Variants in DEPTOR observed in about 807,000 individuals in gnomAD.
DEPTOR encodes DEP domain containing MTOR interacting protein.
DEPTOR carries 41 observed loss-of-function variants against 41.6 expected under a neutral mutation model. The observed-to-expected ratio is 0.98, with a 90% CI of 0.77 to 1.28. The LOEUF is 1.28. Ranked by LOEUF, DEPTOR falls within the 50% of genes most tolerant of loss-of-function variation. DEPTOR has a pLI of 0.00. For synonymous variants in DEPTOR, 195 were observed against 192.3 expected (o/e 1.01, Z -0.12); for missense variants, 514 against 527.9 (o/e 0.97, Z 0.26).
At chr8:120,036,745 C>T (rs552024246) in intron 8 of DEPTOR, among the ~76,000 whole-genome samples, 155 of 152,290 alleles carry the variant, frequency 1.0e-3, no homozygotes, top group Non-Finnish European at 1.6e-3. Flanking sequence ...ACTCAGTTTA[C>T]ATCTCTGTCT....
At position 119,968,142 on chromosome 8, in the gene DEPTOR, T is replaced by TA. The variant is rs376925360; in HGVS notation, c.604+2733dup. The stretch of plus-strand genomic sequence containing the variant: ...ACTATGAGATGGTTATAGAAGCAAT[T>TA]AGAGAACAGTAGAAGATGTGCTATC... On this transcript the variant is annotated intron_variant, in intron 4 of 8. Coordinates refer to ENST00000286234, the MANE Select transcript of DEPTOR (RefSeq NM_022783.4). Among the ~76,000 whole-genome samples the TA allele has an allele frequency of 2.0e-3, 306 of 152,308 alleles. 2 individuals are homozygous for TA. Among genetic ancestry groups the TA allele is most frequent in the African/African-American group, 6.7e-3 (280 of 41,556 alleles).
intron 6 of DEPTOR, among the ~76,000 whole-genome samples, 200 bp from the exon 7 acceptor site, chr8:120,006,605 G>A (rs1200433753): frequency 1.3e-5 from 2 of 150,670 alleles, no homozygotes; most frequent in South Asian, 2.1e-4. Context: ...TTTTTCCTTA[G>A]CTTTGTAAGG....
chr8:120,021,395 T>C (rs1812712082), intron 8 of DEPTOR, among the ~76,000 whole-genome samples: 1 of 152,006 alleles, frequency 6.6e-6, no homozygotes, highest in African/African-American at 2.4e-5. Flanking sequence ...AAGAGTGAAA[T>C]TTCGTCTCAA....
intron 3 of DEPTOR, among the ~76,000 whole-genome samples, chr8:119,931,414 C>T (rs1170138982): frequency 6.6e-6 from 1 of 152,104 alleles, no homozygotes; most frequent in East Asian, 1.9e-4. Context: ...AGCAATAGAA[C>T]CTACCTCCTA....
At chr8:120,043,093 T>A (rs994934477) in intron 8 of DEPTOR, among the ~76,000 whole-genome samples, 1 of 150,528 alleles carries the variant, frequency 6.6e-6, no homozygotes, top group Non-Finnish European at 1.5e-5. Flanking sequence ...TTTTTTAAAA[T>A]TTTTTATTTA....
intron 3 of DEPTOR, among the ~76,000 whole-genome samples, chr8:119,944,180 A>G (rs1828239759): frequency 6.6e-6 from 1 of 152,074 alleles, no homozygotes; most frequent in Non-Finnish European, 1.5e-5. Flanking sequence ...TAGCCTTGTT[A>G]TTTCTGGCTG....
chr8:120,006,318 G>C (rs530108576), intron 6 of DEPTOR, among the ~76,000 whole-genome samples: 1 of 152,222 alleles, frequency 6.6e-6, no homozygotes, highest in African/African-American at 2.4e-5. Flanking sequence ...GAGGTCACGA[G>C]TTCAAGACCA....
rs367711614 is a variant in DEPTOR, at chr8:119,912,590, G to T, written c.123-15810G>T. 2.0e-5 allele frequency among the ~76,000 whole-genome samples: 3 copies of T among 152,348 alleles called. No homozygotes were observed. In the East Asian group the frequency reaches 5.8e-4, roughly 29 times the overall value. On this transcript the variant is annotated intron_variant, in intron 1 of 8. Coordinates refer to ENST00000286234, the MANE Select transcript of DEPTOR (RefSeq NM_022783.4). ...CCTTGTCTATTCTCAAGTTATAGACGTGCAACACTCAAAGCCTGTGGCACT... is the reference window on the plus strand; with the variant it reads ...CCTTGTCTATTCTCAAGTTATAGACTTGCAACACTCAAAGCCTGTGGCACT...
intron 3 of DEPTOR, among the ~76,000 whole-genome samples, chr8:119,944,610 G>A (rs902174739): frequency 8.6e-5 from 13 of 150,506 alleles, no homozygotes; most frequent in Admixed American, 1.3e-4. Context: ...ATAAATGTTC[G>A]TTGAAGACAT....
chr8:120,042,590 C>G (rs1251274570), intron 8 of DEPTOR, among the ~76,000 whole-genome samples: 1 of 152,186 alleles, frequency 6.6e-6, no homozygotes, highest in Admixed American at 6.6e-5. Context: ...ACTATCTCGG[C>G]TCATTGCAAC....
chr8:119,965,522 C>A, intron 4 of DEPTOR, 112 bp downstream of exon 4: 1 of 1,332,206 alleles, frequency 7.5e-7, no homozygotes, highest in East Asian at 2.4e-5. Flanking sequence ...TCAGCTGCAC[C>A]TCTGCTTATG....
At chr8:120,039,949 T>C (rs1441342609) in intron 8 of DEPTOR, among the ~76,000 whole-genome samples, 1 of 152,156 alleles carries the variant, frequency 6.6e-6, no homozygotes, top group Non-Finnish European at 1.5e-5. Flanking sequence ...GTTCAAGCAA[T>C]TCTCGTGCCT....
intron 3 of DEPTOR, among the ~76,000 whole-genome samples, chr8:119,935,047 A>G (rs1828091235): frequency 6.6e-6 from 1 of 152,002 alleles, no homozygotes; most frequent in African/African-American, 2.4e-5. Flanking sequence ...TGTCATTTTG[A>G]GGAATTCATC....
At chr8:119,962,086 C>CAAAAAAAAAAA (rs772605916) in intron 3 of DEPTOR, among the ~76,000 whole-genome samples, 1 of 48,196 alleles carries the variant, frequency 2.1e-5, no homozygotes, top group Non-Finnish European at 4.6e-5. Flanking sequence ...ACTAAAAATA[C>CAAAAAAAAAAA]AAAAAAAAAA....
chr8:120,005,379 C>T (rs1586654522), intron 6 of DEPTOR, among the ~76,000 whole-genome samples: 1 of 152,240 alleles, frequency 6.6e-6, no homozygotes, highest in African/African-American at 2.4e-5. Flanking sequence ...CAACCTGTCA[C>T]CTCAACAAGA....
chr8:119,881,942 G>A (rs1035545317), intron 1 of DEPTOR, among the ~76,000 whole-genome samples: 1 of 152,132 alleles, frequency 6.6e-6, no homozygotes, highest in Non-Finnish European at 1.5e-5. Context: ...CCCAGGTGGT[G>A]TGCAGTGGTG....
chr8:119,878,518 A>G (rs1827257497), intron 1 of DEPTOR, among the ~76,000 whole-genome samples: 1 of 151,224 alleles, frequency 6.6e-6, no homozygotes, highest in African/African-American at 2.4e-5. Flanking sequence ...TAGTAGAGAC[A>G]GCGTTTCACC....
chr8:119,917,271 A>G (rs1263996051), intron 1 of DEPTOR, among the ~76,000 whole-genome samples: 2 of 152,210 alleles, frequency 1.3e-5, no homozygotes, highest in Non-Finnish European at 2.9e-5. Flanking sequence ...CTAATACTCC[A>G]TGTTGATTTC....
intron 4 of DEPTOR, among the ~76,000 whole-genome samples, chr8:119,980,775 T>C (rs993016397): frequency 5.9e-5 from 9 of 151,924 alleles, no homozygotes; most frequent in Non-Finnish European, 1.3e-4. Flanking sequence ...GCCTCGGCCT[T>C]CCAAAGTGCT....
Sources: gnomAD v4.1 joint callset for allele counts (sites outside exome capture counted in the v4.1 genomes callset) on GRCh38, gnomAD v4.1.1 for gene constraint, MANE v1.5 for transcripts, NCBI Gene and HGNC (gene_info 2026-07-23, HGNC 2026-07-21) for gene names.